RNPS1: variants seen among roughly 807,000 people sequenced by gnomAD.
RNPS1 encodes RNA binding protein with serine rich domain 1.
For synonymous variants in RNPS1, 147 were observed against 150.0 expected, an observed-to-expected ratio of 0.98 and a Z score of 0.15; for missense variants, 300 against 427.6, an observed-to-expected ratio of 0.70 and a Z score of 2.63.
chr16:2,267,937 C>A (rs1380382554), intron 1 of RNPS1, 118 bp downstream of exon 1: 2 of 1,528,916 alleles, frequency 1.3e-6, no homozygotes, highest in Admixed American at 4.0e-5. Flanking sequence ...CCGCACCGCG[C>A]TGCCAGGCCA....
At chr16:2,254,913 T>C (rs1015294983) in intron 7 of RNPS1, among the ~76,000 whole-genome samples, 1 of 151,764 alleles carries the variant, frequency 6.6e-6, no homozygotes, top group Non-Finnish European at 1.5e-5. Context: ...GGCTAATTTT[T>C]TTGTATTTTT....
intron 6 of RNPS1, chr16:2,257,758 A>C (rs1235707749): frequency 6.6e-6 from 1 of 152,248 alleles, no homozygotes; most frequent in Non-Finnish European, 1.5e-5. Context: ...ACTTGAAAGA[A>C]AAGTTAGCCA....
At chr16:2,262,873 T>C (rs1387267764) in intron 4 of RNPS1, 31 bp from the exon 5 acceptor site, 1 of 1,588,140 alleles carries the variant, frequency 6.3e-7, no homozygotes, top group South Asian at 1.1e-5. Context: ...CCAGAAACAA[T>C]TTCTGTCAAG....
At chr16:2,264,798 T>C (rs961112574) in intron 1 of RNPS1, 38 bp from the exon 2 acceptor site, 10 of 1,439,030 alleles carry the variant, frequency 6.9e-6, no homozygotes, top group South Asian at 1.4e-5. Context: ...AGTGAACGAA[T>C]TGGCAAGGCA....
chr16:2,267,599 C>G (rs1198233578), intron 1 of RNPS1: 1 of 1,072,884 alleles, frequency 9.3e-7, no homozygotes, highest in Non-Finnish European at 1.1e-6. Context: ...CACAAAGAAA[C>G]TCCGCGCCCG....
At chr16:2,257,464 G>A (rs923324828) in intron 6 of RNPS1, 4 of 152,114 alleles carry the variant, frequency 2.6e-5, no homozygotes, top group African/African-American at 7.2e-5. Flanking sequence ...TGCCAGTAAA[G>A]GCCAACCCCT....
intron 2 of RNPS1, 49 bp from the exon 3 acceptor site, chr16:2,264,380 C>CA: frequency 6.2e-7 from 1 of 1,612,260 alleles, no homozygotes; most frequent in Non-Finnish European, 8.5e-7. Flanking sequence ...TGACCAAACC[C>CA]AAACAGCACA....
intron 1 of RNPS1, chr16:2,266,959 C>T (rs546946345): frequency 9.3e-6 from 2 of 214,244 alleles, no homozygotes; most frequent in South Asian, 3.3e-4. Context: ...TGGCCAATGG[C>T]TACTTGGCTG....
chr16:2,255,141 G>A (rs2093571970), intron 7 of RNPS1, among the ~76,000 whole-genome samples: 1 of 152,188 alleles, frequency 6.6e-6, no homozygotes, highest in Non-Finnish European at 1.5e-5. Context: ...AGAAGCCCAG[G>A]CTTTCCTCCT....
intron 1 of RNPS1, chr16:2,266,769 T>A: frequency 1.1e-6 from 1 of 895,520 alleles, no homozygotes; most frequent in South Asian, 5.1e-5. Context: ...AGTAGCCACG[T>A]CACAAAAATG....
At chr16:2,266,547 A>C (rs1345433132) in intron 1 of RNPS1, 2 of 974,948 alleles carry the variant, frequency 2.1e-6, no homozygotes, top group African/African-American at 3.5e-5. Context: ...ATAGTTACCC[A>C]GGGCATTAAT....
chr16:2,264,521 C>G, intron 2 of RNPS1, 52 bp downstream of exon 2: 1 of 1,578,588 alleles, frequency 6.3e-7, no homozygotes, highest in Non-Finnish European at 8.7e-7. Flanking sequence ...CTGCGGGTCC[C>G]TAGCAGTAAG....
In RNPS1 at chr16:2,264,388, A is replaced by T. The variant is rs547387574; in HGVS notation, c.72-57T>A. The T allele has an allele frequency of 6.8e-6, 11 of 1,609,724 alleles. No homozygotes were observed. In the African/African-American group the frequency reaches 9.4e-5, roughly 14 times the overall value. ...GCTCCTCTGACCAAACCCAAACAGCACAACCCAAAACGGGGGATCAGCATC... is the reference window on the plus strand; with the variant it reads ...GCTCCTCTGACCAAACCCAAACAGCTCAACCCAAAACGGGGGATCAGCATC... On this transcript the variant is annotated intron_variant, in intron 2 of 7. Transcript: ENST00000320225.
chr16:2,262,606 G>A (rs1011682883), intron 5 of RNPS1, 134 bp downstream of exon 5: 1 of 957,596 alleles, frequency 1.0e-6, no homozygotes, highest in Non-Finnish European at 1.6e-6. Flanking sequence ...CCACCAAGAG[G>A]AACGAATCAA....
Position 2,264,278 on chromosome 16 carries a change from C to G in RNPS1, c.125G>C (p.Arg42Pro), listed in dbSNP as rs371866900. 1 of 1,614,136 alleles carries G rather than the reference C, an allele frequency of 6.2e-7. No homozygotes were observed. Among genetic ancestry groups the G allele is most frequent in the South Asian group, 1.1e-5 (1 of 91,082 alleles). ...CTTGGTGGCCCCTTTATCTTTTGAG[C>G]GATCCTTGGACTTCTCATCTGAGCG... Reference protein sequence around the residue: ...KDRSDEKSKDRSKDKGATKES... With the variant: ...KDRSDEKSKDPSKDKGATKES... The change falls in exon 3 of 8, where the codon CGC becomes CCC. Residue 42 changes from arginine (R) to proline (P), a missense_variant. Physicochemically the swap from Arg to Pro is moderately radical, Grantham distance 103. Transcript: ENST00000320225.
intron 2 of RNPS1, 73 bp downstream of exon 2, chr16:2,264,500 C>G: frequency 6.4e-7 from 1 of 1,553,098 alleles, no homozygotes; most frequent in South Asian, 1.1e-5. Flanking sequence ...ACATTCTCAA[C>G]TTTCCCCTTT....
chr16:2,267,865 G>C (rs1247972944), intron 1 of RNPS1, 190 bp downstream of exon 1: 4 of 1,517,378 alleles, frequency 2.6e-6, no homozygotes, highest in Non-Finnish European at 3.5e-6. Context: ...GACCACTTCC[G>C]GGCCACGGCC....
intron 3 of RNPS1, among the ~76,000 whole-genome samples, chr16:2,263,532 C>T (rs2093612019): frequency 6.6e-6 from 1 of 152,222 alleles, no homozygotes; most frequent in Non-Finnish European, 1.5e-5. Flanking sequence ...AGAAGCCTTT[C>T]CTGCTGGGAG....
Position 2,260,144 on chromosome 16 carries a change from ATTC to A in RNPS1, c.676+2131_676+2133del, listed in dbSNP as rs2093596649. Among the ~76,000 whole-genome samples the A allele has an allele frequency of 5.9e-5, 6 of 101,210 alleles. No individual in the cohort carries two copies. The South Asian group carries it at 1.6e-3, about 27-fold the overall frequency. 66.4% of individuals were successfully genotyped at this position (101,210 alleles called of 152,430 possible). On this transcript the variant is annotated intron_variant, in intron 6 of 7. Coordinates refer to ENST00000320225, the MANE Select transcript of RNPS1 (RefSeq NM_080594.4). Reference sequence around the variant, plus strand: ...GGAAACTATTTGTGTGTGTGTGTGTATTCTTTTTTTTTTTTTTTTTTTTTTTTT... The same window carrying A: ...GGAAACTATTTGTGTGTGTGTGTGTATTTTTTTTTTTTTTTTTTTTTTTTT...
Sources: gnomAD v4.1 joint callset for allele counts (sites outside exome capture counted in the v4.1 genomes callset) on GRCh38, gnomAD v4.1.1 for gene constraint, MANE v1.5 for transcripts, NCBI Gene and HGNC (gene_info 2026-07-23, HGNC 2026-07-21) for gene names.